Variants in MEGF9 observed in about 807,000 individuals in gnomAD.
MEGF9 encodes the protein multiple EGF like domains 9.
A neutral mutation model predicts 46.8 loss-of-function variants in MEGF9; 6 were observed. That is an observed-to-expected ratio of 0.13 (90% CI 0.07 to 0.25). The LOEUF (loss-of-function observed/expected upper bound fraction) is 0.25, where lower values mean the gene tolerates loss of function less well. Ranked by LOEUF, MEGF9 falls within the 10% of genes least tolerant of loss-of-function variation. The pLI is 1.00. For synonymous variants in MEGF9, 302 were observed against 330.7 expected (o/e 0.91, Z 0.94); for missense variants, 683 against 792.4 (o/e 0.86, Z 1.66).
At chr9:120,690,632 C>T (rs2043844055) in intron 1 of MEGF9, among the ~76,000 whole-genome samples, 1 of 152,002 alleles carries the variant, frequency 6.6e-6, no homozygotes, top group Admixed American at 6.6e-5. Context: ...TCTTCAGTGA[C>T]CAAGCAACCA....
chr9:120,654,936 G>C (rs2043669658), intron 2 of MEGF9, among the ~76,000 whole-genome samples: 1 of 151,762 alleles, frequency 6.6e-6, no homozygotes, highest in African/African-American at 2.4e-5. Context: ...TATAGAATAA[G>C]GATATAAAAA....
chr9:120,679,463 G>A lies in MEGF9; in HGVS notation c.602-19888C>T, dbSNP rs191473396. ...CACAGGATGGGGAACATCACACACC[G>A]GGGCCTGTTGAGGGGTGGGGGGAGG... On this transcript the variant is annotated intron_variant, in intron 1 of 5. Transcript: ENST00000373930. 9.7e-3 allele frequency among the ~76,000 whole-genome samples: 1,384 copies of A among 142,150 alleles called. 21 individuals are homozygous for A. Among genetic ancestry groups the A allele is most frequent in the African/African-American group, 0.033 (1,203 of 36,666 alleles). The allele number at this position is 142,150 out of a possible 152,430, so 93.3% of individuals were successfully genotyped here.
chr9:120,692,055 G>A (rs966647382), intron 1 of MEGF9, among the ~76,000 whole-genome samples: 1 of 152,096 alleles, frequency 6.6e-6, no homozygotes, highest in African/African-American at 2.4e-5. Context: ...TTAAGGTAAG[G>A]ACTGAAAGTG....
In MEGF9 at chr9:120,671,494, ACT is replaced by A. The variant is rs1387632997; in HGVS notation, c.602-11921_602-11920del. Among the ~76,000 whole-genome samples, 205 of 152,142 alleles carry A rather than the reference ACT, an allele frequency of 1.3e-3. 2 individuals are homozygous for A. The highest frequency in any genetic ancestry group is 1.9e-4 in the Non-Finnish European group (13 of 68,038). ...ATCACTACGGGGAATATTATGCATA[ACT>A]CTATGCACATAAATTCAACAACTTT... is the stretch of plus-strand genomic sequence containing the variant. On this transcript the variant is annotated intron_variant, in intron 1 of 5. Transcript: ENST00000373930.
intron 2 of MEGF9, among the ~76,000 whole-genome samples, chr9:120,636,861 G>GA (rs1292031123): frequency 6.7e-6 from 1 of 150,114 alleles, no homozygotes; most frequent in Non-Finnish European, 1.5e-5. Context: ...GGGGTGGGGG[G>GA]GCCCCTCTGC....
At chr9:120,647,237 T>C (rs537900351) in intron 2 of MEGF9, among the ~76,000 whole-genome samples, 13 of 152,218 alleles carry the variant, frequency 8.5e-5, no homozygotes, top group African/African-American at 3.1e-4. Flanking sequence ...ATGGAAACTT[T>C]AAGACAAAAA....
At chr9:120,626,079 C>A (rs1421225117) in intron 2 of MEGF9, among the ~76,000 whole-genome samples, 2 of 151,660 alleles carry the variant, frequency 1.3e-5, no homozygotes, top group Non-Finnish European at 1.5e-5. Context: ...ATGAAAGAAC[C>A]AAAACCCACA....
chr9:120,661,935 T>G (rs2043704206), intron 1 of MEGF9, among the ~76,000 whole-genome samples: 1 of 152,196 alleles, frequency 6.6e-6, no homozygotes, highest in South Asian at 2.1e-4. Flanking sequence ...GGACCTATTT[T>G]ATCACCAGTT....
At chr9:120,659,878 A>C (rs976289579) in intron 1 of MEGF9, among the ~76,000 whole-genome samples, 1 of 151,018 alleles carries the variant, frequency 6.6e-6, no homozygotes, top group Non-Finnish European at 1.5e-5. Flanking sequence ...CATGGCACTA[A>C]GGGCACATGT....
At chr9:120,667,750 G>C (rs2043731540) in intron 1 of MEGF9, among the ~76,000 whole-genome samples, 1 of 152,224 alleles carries the variant, frequency 6.6e-6, no homozygotes, top group Admixed American at 6.5e-5. Context: ...AACTGGCTGG[G>C]TGTGGTGGCT....
chr9:120,634,921 TTG>T (rs2043567451), intron 2 of MEGF9, among the ~76,000 whole-genome samples: 1 of 152,212 alleles, frequency 6.6e-6, no homozygotes, highest in Admixed American at 6.5e-5. Context: ...TGTTACACTT[TTG>T]TGTTTTTTCA....
chr9:120,709,399 T>A, intron 1 of MEGF9, among the ~76,000 whole-genome samples: 1 of 145,694 alleles, frequency 6.9e-6, no homozygotes. Flanking sequence ...GGCAACAGAG[T>A]GGAACTCCAT....
At chr9:120,684,157 T>C (rs936183996) in intron 1 of MEGF9, among the ~76,000 whole-genome samples, 1 of 152,150 alleles carries the variant, frequency 6.6e-6, no homozygotes, top group African/African-American at 2.4e-5. Flanking sequence ...TGACAAACTG[T>C]TGTAGCAATT....
chr9:120,679,187 C>T (rs140554229), intron 1 of MEGF9, among the ~76,000 whole-genome samples: 110 of 152,156 alleles, frequency 7.2e-4, no homozygotes, highest in Non-Finnish European at 1.1e-3. Flanking sequence ...TTTATTTTTG[C>T]GGCACTATTC....
At chr9:120,648,718 C>T (rs1395019204) in intron 2 of MEGF9, among the ~76,000 whole-genome samples, 1 of 152,138 alleles carries the variant, frequency 6.6e-6, no homozygotes, top group African/African-American at 2.4e-5. Context: ...TAACCTTTTT[C>T]TCAATCTTCC....
At chr9:120,639,564 T>TTAAAATCCTG (rs2043593355) in intron 2 of MEGF9, among the ~76,000 whole-genome samples, 1 of 150,010 alleles carries the variant, frequency 6.7e-6, no homozygotes, top group African/African-American at 2.5e-5. Flanking sequence ...AATACCTAGA[T>TTAAAATCCTG]TAAAATCCTG....
chr9:120,620,220 T>C (rs2132303023), intron 3 of MEGF9, among the ~76,000 whole-genome samples: 1 of 152,272 alleles, frequency 6.6e-6, no homozygotes, highest in African/African-American at 2.4e-5. Flanking sequence ...AAATTAAAAC[T>C]GAGAATCAGC....
chr9:120,617,514 G>C (rs903713907), intron 3 of MEGF9, among the ~76,000 whole-genome samples: 5 of 152,228 alleles, frequency 3.3e-5, no homozygotes, highest in African/African-American at 1.2e-4. Flanking sequence ...CATAAGGTCA[G>C]AGAGAAAGGC....
At chr9:120,607,683 C>A in intron 5 of MEGF9, 58 bp downstream of exon 5, 1 of 1,568,302 alleles carries the variant, frequency 6.4e-7, no homozygotes, top group Non-Finnish European at 8.8e-7. Context: ...ACAAAGCCTT[C>A]CATTTTTCAC....
Sources: gnomAD v4.1 joint callset for allele counts (sites outside exome capture counted in the v4.1 genomes callset) on GRCh38, gnomAD v4.1.1 for gene constraint, MANE v1.5 for transcripts, NCBI Gene and HGNC (gene_info 2026-07-23, HGNC 2026-07-21) for gene names.